Variants in BTC observed in about 807,000 individuals in gnomAD.
BTC encodes probetacellulin.
Under a neutral mutation model 18.1 loss-of-function variants are expected in BTC, and 13 were observed. The observed-to-expected ratio is 0.72, with a 90% confidence interval of 0.47 to 1.14. BTC has a LOEUF of 1.14. BTC is among the 50% of genes most tolerant of loss of function. BTC has a pLI of 0.00. For synonymous variants in BTC, 83 were observed against 79.4 expected (o/e 1.05, Z -0.24); for missense variants, 247 against 224.2 (o/e 1.10, Z -0.65).
chr4:74,774,321 A>G (rs910888115), intron 1 of BTC, among the ~76,000 whole-genome samples: 9 of 152,154 alleles, frequency 5.9e-5, no homozygotes, highest in Non-Finnish European at 1.2e-4. Context: ...TGGAATTATG[A>G]GAGAATATAA....
At position 74,744,783 on chromosome 4, in the gene BTC, T is replaced by C. The variant is rs1408724170; in HGVS notation, c.*1894A>G. 3 of 152,266 alleles carry C rather than the reference T, an allele frequency of 2.0e-5. No homozygotes were observed. 9.4% of individuals were successfully genotyped at this position (152,266 alleles called of 1,614,324 possible). A position where few individuals can be genotyped will look rare whatever the true frequency, so the allele number is the denominator to read the frequency against. Reference sequence around the variant, plus strand: ...CTTTGTTTTAAAAATAAATTTATTTTATTACATGATAATATTGACAGTTTA... The same window carrying C: ...CTTTGTTTTAAAAATAAATTTATTTCATTACATGATAATATTGACAGTTTA... On this transcript the variant is annotated 3_prime_UTR_variant, in exon 6 of 6. Transcript: ENST00000395743.
At chr4:74,772,953 T>C (rs1377057663) in intron 1 of BTC, among the ~76,000 whole-genome samples, 2 of 152,200 alleles carry the variant, frequency 1.3e-5, no homozygotes, top group African/African-American at 4.8e-5. Context: ...CGCTAAGCTT[T>C]GTTTCACATG....
intron 1 of BTC, among the ~76,000 whole-genome samples, chr4:74,779,892 A>T (rs1725273631): frequency 6.6e-6 from 1 of 152,196 alleles, no homozygotes. Flanking sequence ...ATAAAGAAAT[A>T]TTAGGCAGAA....
At chr4:74,748,407 G>A (rs536971474) in intron 4 of BTC, among the ~76,000 whole-genome samples, 1 of 152,108 alleles carries the variant, frequency 6.6e-6, no homozygotes, top group Admixed American at 6.5e-5. Flanking sequence ...GTGGTGGTGG[G>A]CGCCTGTAGT....
chr4:74,748,336 C>T (rs902013718), intron 4 of BTC, among the ~76,000 whole-genome samples, 187 bp from the exon 5 acceptor site: 1 of 151,984 alleles, frequency 6.6e-6, no homozygotes, highest in Non-Finnish European at 1.5e-5. Flanking sequence ...ATCACAAGGT[C>T]AGGAGATTGA....
chr4:74,788,051 T>G (rs1489409300), intron 1 of BTC, among the ~76,000 whole-genome samples: 1 of 152,278 alleles, frequency 6.6e-6, no homozygotes, highest in East Asian at 1.9e-4. Context: ...TAGGAAACCA[T>G]GTAATATTTT....
chr4:74,784,933 G>T (rs1249614522), intron 1 of BTC, among the ~76,000 whole-genome samples: 4 of 152,124 alleles, frequency 2.6e-5, no homozygotes, highest in African/African-American at 7.2e-5. Context: ...GATGATGCTG[G>T]CCTCATAGAA....
intron 1 of BTC, among the ~76,000 whole-genome samples, chr4:74,782,614 C>A (rs2109914674): frequency 6.6e-6 from 1 of 151,376 alleles, no homozygotes; most frequent in African/African-American, 2.4e-5. Context: ...TGGTATATGC[C>A]CAGTAATGGG....
Position 74,748,112 on chromosome 4 carries a change from CT to C in BTC, c.465del (p.Glu156LysfsTer10). On this transcript the variant is annotated frameshift_variant, in exon 5 of 6. Transcript: ENST00000395743. LOFTEE classifies it high-confidence loss of function. The part of the protein sequence containing the change: ...LRKRRKRKKK[E>X]EEMETLGKDI... ...TCTTTACCCAGAGTTTCCATTTCTT[CT>C]TCTTTCTTCTTTCTTTTACGACGTT... 1 of 1,609,672 alleles carries C rather than the reference CT, an allele frequency of 6.2e-7. No homozygotes were observed. Among genetic ancestry groups the C allele is most frequent in the Non-Finnish European group, 8.5e-7 (1 of 1,178,872 alleles).
chr4:74,775,936 A>C (rs756806218), intron 1 of BTC, among the ~76,000 whole-genome samples: 48 of 152,168 alleles, frequency 3.2e-4, no homozygotes, highest in Non-Finnish European at 6.2e-4. Flanking sequence ...TCCTGTCCTA[A>C]ATGCAAAGTC....
At chr4:74,793,174 G>T (rs918500658) in intron 1 of BTC, among the ~76,000 whole-genome samples, 1 of 152,178 alleles carries the variant, frequency 6.6e-6, no homozygotes, top group Admixed American at 6.5e-5. Flanking sequence ...CCACTAAATT[G>T]TTACTGACTC....
intron 2 of BTC, among the ~76,000 whole-genome samples, chr4:74,759,476 C>G (rs1224346485): frequency 5.3e-5 from 8 of 152,238 alleles, no homozygotes; most frequent in African/African-American, 1.9e-4. Flanking sequence ...GGCTGCAACA[C>G]AATCTCATAA....
At chr4:74,781,076 A>T (rs1429453097) in intron 1 of BTC, among the ~76,000 whole-genome samples, 1 of 151,910 alleles carries the variant, frequency 6.6e-6, no homozygotes, top group East Asian at 1.9e-4. Context: ...CCCACTCCCT[A>T]CCCAGCTTAG....
At chr4:74,765,334 TA>T (rs1329023604) in intron 2 of BTC, among the ~76,000 whole-genome samples, 1 of 152,026 alleles carries the variant, frequency 6.6e-6, no homozygotes, top group Admixed American at 6.6e-5. Flanking sequence ...ATTCAGTAAC[TA>T]AGCTGGAAAA....
intron 1 of BTC, among the ~76,000 whole-genome samples, chr4:74,787,538 T>C (rs970209956): frequency 6.6e-6 from 1 of 152,180 alleles, no homozygotes; most frequent in African/African-American, 2.4e-5. Context: ...ATAAAACATA[T>C]GAATTTTAAT....
chr4:74,786,202 G>GTT (rs936252398), intron 1 of BTC, among the ~76,000 whole-genome samples: 9 of 152,134 alleles, frequency 5.9e-5, no homozygotes, highest in Admixed American at 3.9e-4. Context: ...CAAGTCAAGT[G>GTT]TAAGTGTCCT....
intron 2 of BTC, among the ~76,000 whole-genome samples, chr4:74,768,610 T>C (rs1724960060): frequency 1.3e-5 from 2 of 152,242 alleles, no homozygotes; most frequent in African/African-American, 4.8e-5. Context: ...CTTGGGGAGT[T>C]GCTATTCAAT....
chr4:74,764,935 T>G (rs2109894445), intron 2 of BTC, among the ~76,000 whole-genome samples: 1 of 151,950 alleles, frequency 6.6e-6, no homozygotes, highest in East Asian at 1.9e-4. Context: ...AGTCATGTCT[T>G]ACATGGCAGC....
At chr4:74,777,600 T>C (rs146973309) in intron 1 of BTC, among the ~76,000 whole-genome samples, 10 of 152,296 alleles carry the variant, frequency 6.6e-5, no homozygotes, top group Admixed American at 6.5e-4. Context: ...TCTCTGCATG[T>C]TCCTTCTTTC....
Sources: allele counts gnomAD v4.1 joint callset (sites outside exome capture counted in the v4.1 genomes callset), GRCh38; gene constraint gnomAD v4.1.1; transcripts MANE v1.5; gene names NCBI Gene and HGNC (gene_info 2026-07-23, HGNC 2026-07-21).